Variants in ASAP1 observed in about 807,000 individuals in gnomAD.
ASAP1 encodes the protein ArfGAP with SH3 domain, ankyrin repeat and PH domain 1.
Under a neutral mutation model 145.2 loss-of-function variants are expected in ASAP1, and 43 were observed. That is an observed-to-expected ratio of 0.30 (90% CI 0.23 to 0.38). The LOEUF (loss-of-function observed/expected upper bound fraction) is 0.38. Among genes scored for constraint, ASAP1 ranks in the 10% least tolerant of loss-of-function variants. The pLI is 1.00. For missense variants in ASAP1, 1,018 were observed against 1,355.3 expected, an observed-to-expected ratio of 0.75 and a Z score of 3.91; for synonymous variants, 546 against 515.5, an observed-to-expected ratio of 1.06 and a Z score of -0.80.
intron 3 of ASAP1, among the ~76,000 whole-genome samples, chr8:130,302,922 C>T (rs1822767257): frequency 6.6e-6 from 1 of 152,082 alleles, no homozygotes; most frequent in Admixed American, 6.5e-5. Context: ...GCTGTTTCTA[C>T]AACATTGTAA....
chr8:130,228,663 CG>C (rs1817726026), intron 4 of ASAP1, among the ~76,000 whole-genome samples: 1 of 147,084 alleles, frequency 6.8e-6, no homozygotes, highest in Non-Finnish European at 1.5e-5. Flanking sequence ...ATCATGCCAT[CG>C]CACTCCAGCC....
chr8:130,415,041 A>G (rs1587002733), intron 1 of ASAP1, among the ~76,000 whole-genome samples: 1 of 152,276 alleles, frequency 6.6e-6, no homozygotes, highest in Non-Finnish European at 1.5e-5. Context: ...TACAGGCGTA[A>G]GCCACTGTGC....
intron 24 of ASAP1, among the ~76,000 whole-genome samples, chr8:130,097,578 A>T (rs1305328686): frequency 2.0e-5 from 3 of 152,172 alleles, no homozygotes; most frequent in Non-Finnish European, 4.4e-5. Flanking sequence ...CCTCTGTCTG[A>T]GGTCTATGTC....
intron 2 of ASAP1, among the ~76,000 whole-genome samples, chr8:130,385,833 C>G (rs1388691309): frequency 6.6e-6 from 1 of 152,178 alleles, no homozygotes; most frequent in East Asian, 1.9e-4. Flanking sequence ...TCCCGAGCAC[C>G]CAGTACTCCT....
chr8:130,180,657 C>T (rs1388913186), intron 8 of ASAP1, 94 bp downstream of exon 8: 1 of 1,390,340 alleles, frequency 7.2e-7, no homozygotes, highest in Non-Finnish European at 9.7e-7. Context: ...AATAATCAAA[C>T]AGAGTCTGCC....
At chr8:130,359,606 C>A (rs1161947717) in intron 2 of ASAP1, among the ~76,000 whole-genome samples, 1 of 150,778 alleles carries the variant, frequency 6.6e-6, no homozygotes, top group East Asian at 1.9e-4. Context: ...TGGGCTTCTG[C>A]CATCTTGCAC....
At chr8:130,184,301 C>T (rs1418778398) in intron 7 of ASAP1, among the ~76,000 whole-genome samples, 1 of 152,148 alleles carries the variant, frequency 6.6e-6, no homozygotes, top group African/African-American at 2.4e-5. Flanking sequence ...ATGTAATCCT[C>T]GTCTACCACA....
intron 24 of ASAP1, among the ~76,000 whole-genome samples, chr8:130,093,171 C>T (rs2097509219): frequency 6.6e-6 from 1 of 152,056 alleles, no homozygotes; most frequent in South Asian, 2.1e-4. Flanking sequence ...AGTAATATTC[C>T]ACATACACAC....
In ASAP1 at chr8:130,344,738, T is replaced by C. The variant is rs1187859619; in HGVS notation, c.186+13279A>G. Among the ~76,000 whole-genome samples, 3 of 151,586 alleles carry C rather than the reference T, an allele frequency of 2.0e-5. No homozygotes were observed. The East Asian group carries it at 5.8e-4, about 29-fold the overall frequency. ...GGCAGCAGGGTGAGATTGCGTCTCT[T>C]AAAAAAACAAACAAACAAACAAACA... On this transcript the variant is annotated intron_variant, in intron 3 of 29. Transcript: ENST00000518721.
chr8:130,100,964 C>T lies in ASAP1; in HGVS notation c.2402-8821G>A, dbSNP rs538966275. Among the ~76,000 whole-genome samples the T allele has an allele frequency of 5.3e-5, 8 of 152,166 alleles. No individual in the cohort carries two copies. In the South Asian group the frequency reaches 1.2e-3, roughly 24 times the overall value. On this transcript the variant is annotated intron_variant, in intron 24 of 29. Transcript: ENST00000518721. ...CTCTCTTCTAGTAGTTTTATAGTTTCGGGTATTATGTTTAAGTCTTTAATT... is the reference window on the plus strand; with the variant it reads ...CTCTCTTCTAGTAGTTTTATAGTTTTGGGTATTATGTTTAAGTCTTTAATT...
chr8:130,227,849 A>G (rs1325523186), intron 4 of ASAP1, among the ~76,000 whole-genome samples: 1 of 152,108 alleles, frequency 6.6e-6, no homozygotes, highest in African/African-American at 2.4e-5. Context: ...TAAGGGGTCT[A>G]TGACCCCAAA....
At chr8:130,237,125 C>G in intron 3 of ASAP1, 131 bp from the exon 4 acceptor site, 1 of 633,604 alleles carries the variant, frequency 1.6e-6, no homozygotes. Context: ...TATTCATTAA[C>G]AATGAATCAT....
At chr8:130,175,081 C>T (rs1410825474) in intron 9 of ASAP1, among the ~76,000 whole-genome samples, 1 of 152,222 alleles carries the variant, frequency 6.6e-6, no homozygotes, top group Non-Finnish European at 1.5e-5. Flanking sequence ...AATCTTCCCA[C>T]ATCCTCACCA....
intron 5 of ASAP1, among the ~76,000 whole-genome samples, chr8:130,211,353 T>C (rs1309531725): frequency 6.6e-6 from 1 of 152,202 alleles, no homozygotes; most frequent in Non-Finnish European, 1.5e-5. Context: ...CCAACATCTT[T>C]GTAGGTAGCC....
intron 27 of ASAP1, among the ~76,000 whole-genome samples, chr8:130,064,893 A>ATGTGTGTGTGTGTGTG (rs34905534): frequency 1.4e-5 from 2 of 142,564 alleles, no homozygotes; most frequent in Admixed American, 7.1e-5. Flanking sequence ...TTTACTAAGA[A>ATGTGTGTGTGTGTGTG]TGTGTGTGTG....
chr8:130,316,817 CTGTT>C (rs1270430281), intron 3 of ASAP1, among the ~76,000 whole-genome samples: 1 of 152,228 alleles, frequency 6.6e-6, no homozygotes, highest in African/African-American at 2.4e-5. Flanking sequence ...ATTTAAGCTT[CTGTT>C]TATTTGGGAT....
chr8:130,338,419 C>T (rs1420770012), intron 3 of ASAP1, among the ~76,000 whole-genome samples: 1 of 152,080 alleles, frequency 6.6e-6, no homozygotes, highest in East Asian at 1.9e-4. Context: ...GGGAAGTATT[C>T]AACAAAGAAC....
Position 130,101,732 on chromosome 8 carries a change from A to ATTTTTTTTTTTTTTTTTTTTTTTTTTTTT in ASAP1, c.2402-9590_2402-9589insAAAAAAAAAAAAAAAAAAAAAAAAAAAAA, listed in dbSNP as rs59778799. On this transcript the variant is annotated intron_variant, in intron 24 of 29. Transcript: ENST00000518721. ...AGGCATGTGCTACCACACCTGGTTA[A>ATTTTTTTTTTTTTTTTTTTTTTTTTTTTT]TTTTTTTTTTTTTTTTTTTTGCAGA... Among the ~76,000 whole-genome samples the ATTTTTTTTTTTTTTTTTTTTTTTTTTTTT allele has an allele frequency of 2.9e-4, 25 of 86,920 alleles. 2 individuals are homozygous for ATTTTTTTTTTTTTTTTTTTTTTTTTTTTT. Among genetic ancestry groups the ATTTTTTTTTTTTTTTTTTTTTTTTTTTTT allele is most frequent in the African/African-American group, 5.5e-4 (10 of 18,090 alleles). 57.0% of individuals were successfully genotyped at this position (86,920 alleles called of 152,430 possible). A position where few individuals can be genotyped will look rare whatever the true frequency, so the allele number is the denominator to read the frequency against.
intron 3 of ASAP1, among the ~76,000 whole-genome samples, chr8:130,321,421 T>C (rs568577240): frequency 6.6e-6 from 1 of 152,194 alleles, no homozygotes; most frequent in African/African-American, 2.4e-5. Flanking sequence ...ATCAGTGAGT[T>C]GGGAGTTAAA....
Sources: gnomAD v4.1 joint callset for allele counts (sites outside exome capture counted in the v4.1 genomes callset) on GRCh38, gnomAD v4.1.1 for gene constraint, MANE v1.5 for transcripts, NCBI Gene and HGNC (gene_info 2026-07-23, HGNC 2026-07-21) for gene names.